Variants in FHL2 observed in about 807,000 individuals in gnomAD.
FHL2 encodes the protein four and a half LIM domains protein 2.
Under a neutral mutation model 32.7 loss-of-function variants are expected in FHL2, and 20 were observed. The ratio of observed to expected loss-of-function variants is 0.61; its 90% CI spans 0.43 to 0.89. FHL2 has a LOEUF of 0.89. Ranked by LOEUF, FHL2 falls within the 40% of genes least tolerant of loss-of-function variation. The pLI is 0.00. For missense variants in FHL2, 311 were observed against 358.6 expected, an observed-to-expected ratio of 0.87 and a Z score of 1.07; for synonymous variants, 123 against 128.1, an observed-to-expected ratio of 0.96 and a Z score of 0.27.
At chr2:105,399,446 T>C, upstream of FHL2, 1 of 1,536,170 alleles carries the variant, frequency 6.5e-7, no homozygotes, top group Non-Finnish European at 8.7e-7. Context: ...AGGGGGTCAC[T>C]TCTCAGGAGG....
At chr2:105,389,055 T>A (rs900761713) in intron 2 of FHL2, among the ~76,000 whole-genome samples, 3 of 152,234 alleles carry the variant, frequency 2.0e-5, no homozygotes, top group Non-Finnish European at 4.4e-5. Flanking sequence ...AAGGAAAAGA[T>A]CATCTTTCAA....
chr2:105,423,858 C>T (rs912720251), intron 1 of FHL2, among the ~76,000 whole-genome samples: 2 of 152,164 alleles, frequency 1.3e-5, no homozygotes, highest in African/African-American at 4.8e-5. Context: ...TTCCTTACAC[C>T]TTGTACAAAA....
At chr2:105,435,883 A>G (rs1684595249) in intron 1 of FHL2, among the ~76,000 whole-genome samples, 1 of 152,182 alleles carries the variant, frequency 6.6e-6, no homozygotes, top group Admixed American at 6.5e-5. Context: ...AAATTCTTGC[A>G]CTTTCTTCTT....
At chr2:105,399,837 G>C (rs942631220), upstream of FHL2, among the ~76,000 whole-genome samples, 2 of 152,146 alleles carry the variant, frequency 1.3e-5, no homozygotes, top group African/African-American at 2.4e-5. Flanking sequence ...GCAGGTAACC[G>C]GTCCACTTGC....
At chr2:105,408,053 G>C (rs572821487) in intron 1 of FHL2, among the ~76,000 whole-genome samples, 4 of 152,126 alleles carry the variant, frequency 2.6e-5, no homozygotes, top group South Asian at 2.1e-4. Context: ...TTCCATAAAG[G>C]TTCTTTCATC....
intron 1 of FHL2, among the ~76,000 whole-genome samples, chr2:105,435,258 T>C (rs1684571958): frequency 6.6e-6 from 1 of 152,214 alleles, no homozygotes; most frequent in Non-Finnish European, 1.5e-5. Context: ...TTGCACTGTT[T>C]ATTGGTTTTA....
At chr2:105,387,913 T>C (rs1682440000) in intron 2 of FHL2, among the ~76,000 whole-genome samples, 1 of 152,154 alleles carries the variant, frequency 6.6e-6, no homozygotes, top group African/African-American at 2.4e-5. Context: ...CATCATGAAA[T>C]ACTATGCAGC....
chr2:105,428,557 C>A (rs1364988962), intron 1 of FHL2, among the ~76,000 whole-genome samples: 1 of 152,256 alleles, frequency 6.6e-6, no homozygotes, highest in African/African-American at 2.4e-5. Flanking sequence ...CCGTCTACTA[C>A]CCTCTCCTGC....
chr2:105,431,398 GA>G (rs1176681831), intron 1 of FHL2, among the ~76,000 whole-genome samples: 2 of 152,228 alleles, frequency 1.3e-5, no homozygotes, highest in African/African-American at 2.4e-5. Flanking sequence ...GATTGATAAG[GA>G]GTGTCATTTT....
chr2:105,372,715 G>C (rs143941248), intron 4 of FHL2, among the ~76,000 whole-genome samples: 2,303 of 151,932 alleles, frequency 0.015, 17 homozygotes, highest in Middle Eastern at 0.034. Flanking sequence ...CTTGAACCTG[G>C]GAGGCAGAGG....
At chr2:105,425,854 GA>G (rs1684248946) in intron 1 of FHL2, among the ~76,000 whole-genome samples, 1 of 152,004 alleles carries the variant, frequency 6.6e-6, no homozygotes, top group Non-Finnish European at 1.5e-5. Context: ...CCTTTTTGCT[GA>G]AATAATGAAA....
chr2:105,387,526 A>T (rs902327686), intron 2 of FHL2, among the ~76,000 whole-genome samples: 1 of 152,214 alleles, frequency 6.6e-6, no homozygotes, highest in Non-Finnish European at 1.5e-5. Flanking sequence ...TTCCCAAAAC[A>T]ATGATATCAA....
chr2:105,407,131 G>A (rs1440671515), intron 1 of FHL2, among the ~76,000 whole-genome samples: 1 of 152,118 alleles, frequency 6.6e-6, no homozygotes, highest in Non-Finnish European at 1.5e-5. Flanking sequence ...GGTGGCTCAC[G>A]CCTATAATCC....
Position 105,426,807 on chromosome 2 carries a change from G to A in FHL2, c.-25+11592C>T, listed in dbSNP as rs186478244. On this transcript the variant is annotated intron_variant, in intron 1 of 5. Transcript: ENST00000393352. ...ATAGTGCTGGGGTGCAGATGCTGCC[G>A]AGGAGGTGTGGGGTTGCTGAGAATT... Among the ~76,000 whole-genome samples, 7 of 152,358 alleles carry A rather than the reference G, an allele frequency of 4.6e-5. No individual in the cohort carries two copies. In the East Asian group the frequency reaches 7.7e-4, roughly 17 times the overall value.
At chr2:105,369,018 G>T (rs1680837377) in intron 4 of FHL2, among the ~76,000 whole-genome samples, 2 of 152,174 alleles carry the variant, frequency 1.3e-5, no homozygotes, top group Admixed American at 1.3e-4. Flanking sequence ...GTGTGCAGCT[G>T]TGTGCAGTTG....
At chr2:105,387,324 G>C (rs1682398218) in intron 2 of FHL2, among the ~76,000 whole-genome samples, 1 of 152,184 alleles carries the variant, frequency 6.6e-6, no homozygotes, top group Non-Finnish European at 1.5e-5. Context: ...TGGCAAAAGG[G>C]AGGGAGATCT....
At chr2:105,401,201 G>A (rs1050737086), upstream of FHL2, among the ~76,000 whole-genome samples, 1 of 151,792 alleles carries the variant, frequency 6.6e-6, no homozygotes, top group Non-Finnish European at 1.5e-5. Flanking sequence ...ATTTATGTTA[G>A]GGGTGATAAT....
rs1297398546 is a variant in FHL2, at chr2:105,361,411, A to G, written c.712T>C (p.Ser238Pro). Reference protein sequence around the residue: ...ISGLGGTKYISFEERQWHNDC... With the variant: ...ISGLGGTKYIPFEERQWHNDC... ...TTATGCCACTGCCGTTCCTCAAAGG[A>G]GATGTATTTTGTGCCACCAAGTCCT... The change falls in exon 7 of 7, where the codon TCC becomes CCC. Residue 238 changes from serine (S) to proline (P), a missense_variant. Coordinates refer to ENST00000530340, the MANE Select transcript of FHL2 (RefSeq NM_001318895.3). The G allele has an allele frequency of 1.2e-6, 2 of 1,613,946 alleles. No homozygotes were observed. Among genetic ancestry groups the G allele is most frequent in the Non-Finnish European group, 1.7e-6 (2 of 1,179,972 alleles).
chr2:105,419,961 G>T (rs910884684), intron 1 of FHL2, among the ~76,000 whole-genome samples: 1 of 152,160 alleles, frequency 6.6e-6, no homozygotes, highest in African/African-American at 2.4e-5. Flanking sequence ...AAAGTGTTCA[G>T]TTGAGGGTGG....
Sources: gnomAD v4.1 joint callset for allele counts (sites outside exome capture counted in the v4.1 genomes callset) on GRCh38, gnomAD v4.1.1 for gene constraint, MANE v1.5 for transcripts, NCBI Gene and HGNC (gene_info 2026-07-23, HGNC 2026-07-21) for gene names.